Variants in TYW1B observed in about 807,000 individuals in gnomAD.
TYW1B encodes S-adenosyl-L-methionine-dependent tRNA 4-demethylwyosine synthase TYW1B.
TYW1B carries 73 observed loss-of-function variants against 86.9 expected under a neutral mutation model. That is an observed-to-expected ratio of 0.84 (90% CI 0.70 to 1.02). TYW1B has a LOEUF of 1.02. TYW1B is among the 50% of genes least tolerant of loss of function. The probability of loss-of-function intolerance (pLI) is 0.00; values close to 1 mark genes in which losing one functional copy is unlikely to be tolerated. For missense variants in TYW1B, 637 were observed against 827.4 expected (o/e 0.77, Z 2.82); for synonymous variants, 248 against 292.8 (o/e 0.85, Z 1.56).
At chr7:72,669,134 CTTTTTTTTTTTTTT>C (rs781821639) in intron 11 of TYW1B, among the ~76,000 whole-genome samples, 1 of 81,522 alleles carries the variant, frequency 1.2e-5, no homozygotes, top group Non-Finnish European at 2.2e-5. Context: ...TAATTTTAAA[CTTTTTTTTTTTTTT>C]TTTTTTTTTT....
intron 11 of TYW1B, among the ~76,000 whole-genome samples, chr7:72,645,017 T>C (rs1585872153): frequency 6.6e-6 from 1 of 152,154 alleles, no homozygotes; most frequent in African/African-American, 2.4e-5. Context: ...TTAGTAGAGA[T>C]GCGGTTTCAC....
chr7:72,662,896 T>C (rs1444426673), intron 11 of TYW1B, among the ~76,000 whole-genome samples: 4 of 152,232 alleles, frequency 2.6e-5, no homozygotes, highest in Non-Finnish European at 5.9e-5. Context: ...TTTTCAAATG[T>C]CAACTTGAGA....
chr7:72,654,166 A>G (rs1445268943), intron 11 of TYW1B, among the ~76,000 whole-genome samples: 3 of 152,066 alleles, frequency 2.0e-5, no homozygotes, highest in African/African-American at 4.8e-5. Context: ...TCTACAGAAA[A>G]CCTACAGCTA....
At chr7:72,617,436 C>T (rs1202445775) in intron 12 of TYW1B, among the ~76,000 whole-genome samples, 12 of 152,122 alleles carry the variant, frequency 7.9e-5, no homozygotes, top group African/African-American at 1.7e-4. Context: ...GGCACAATCG[C>T]GGCTCACCAC....
rs1177719954 is a variant in TYW1B, at chr7:72,794,555, CA to C, written c.846+7844del. The stretch of plus-strand genomic sequence containing the variant: ...TGGATGAGACAGCGAGATTCTGTCT[CA>C]AAAAAAAAAAAGGTATACTTCTCTG... On this transcript the variant is annotated intron_variant, in intron 6 of 13. Coordinates refer to ENST00000620995, the MANE Select transcript of TYW1B (RefSeq NM_001145440.3). 2.4e-3 allele frequency among the ~76,000 whole-genome samples: 322 copies of C among 132,486 alleles called. 1 individual carries two copies. Among genetic ancestry groups the C allele is most frequent in the Non-Finnish European group, 1.9e-3 (119 of 61,194 alleles). The allele number at this position is 132,486 out of a possible 152,430, so 86.9% of individuals were successfully genotyped here.
chr7:72,816,560 T>C (rs1554479464), intron 2 of TYW1B, among the ~76,000 whole-genome samples: 1 of 152,118 alleles, frequency 6.6e-6, no homozygotes, highest in African/African-American at 2.4e-5. Context: ...TTTTGTACGC[T>C]AATGAGATGA....
rs1787806638 is a variant in TYW1B, at chr7:72,768,285, G to T, written c.964+9131C>A. On this transcript the variant is annotated intron_variant, in intron 7 of 13. Transcript: ENST00000620995. The stretch of plus-strand genomic sequence containing the variant: ...AAAAATGGCTTCTTCCATACAGGTT[G>T]CTTAGGAGGAATCCGCCCAAACAAC... 3.3e-5 allele frequency among the ~76,000 whole-genome samples: 5 copies of T among 152,006 alleles called. No individual in the cohort carries two copies. In the South Asian group the frequency reaches 1.0e-3, roughly 32 times the overall value.
At chr7:72,801,139 G>T (rs1247521138) in intron 6 of TYW1B, among the ~76,000 whole-genome samples, 2 of 152,074 alleles carry the variant, frequency 1.3e-5, no homozygotes, top group Non-Finnish European at 2.9e-5. Context: ...GACCAGCCTG[G>T]CCAACATGGT....
chr7:72,713,935 G>A, intron 9 of TYW1B, 137 bp from the exon 10 acceptor site: 1 of 539,180 alleles, frequency 1.9e-6, no homozygotes, highest in Non-Finnish European at 3.3e-6. Context: ...CTAAAGGGCA[G>A]GGCAGGACTA....
chr7:72,752,048 A>T (rs1439044646), intron 7 of TYW1B, among the ~76,000 whole-genome samples: 1 of 152,174 alleles, frequency 6.6e-6, no homozygotes, highest in Non-Finnish European at 1.5e-5. Context: ...CAGCCCCAGT[A>T]TCTCTGGGTA....
intron 13 of TYW1B, among the ~76,000 whole-genome samples, chr7:72,605,340 T>G (rs71553242): frequency 0.019 from 2,832 of 145,760 alleles, 38 homozygotes; most frequent in South Asian, 0.036. Flanking sequence ...AATGTTGTGG[T>G]TTTTTTTTTG....
intron 11 of TYW1B, among the ~76,000 whole-genome samples, chr7:72,630,036 TG>T (rs1447445061): frequency 6.6e-6 from 1 of 152,108 alleles, no homozygotes; most frequent in Non-Finnish European, 1.5e-5. Flanking sequence ...CCCAGCACTT[TG>T]GGAGGCCGAG....
At chr7:72,813,938 C>T (rs1788671670) in intron 3 of TYW1B, among the ~76,000 whole-genome samples, 1 of 151,604 alleles carries the variant, frequency 6.6e-6, no homozygotes, top group Non-Finnish European at 1.5e-5. Context: ...TCACTTAAAC[C>T]CTGGAGCTGG....
chr7:72,760,328 A>C (rs1787666062), intron 7 of TYW1B, among the ~76,000 whole-genome samples: 1 of 152,226 alleles, frequency 6.6e-6, no homozygotes, highest in South Asian at 2.1e-4. Context: ...CTGTACCCAA[A>C]ATTTTGGCCC....
At chr7:72,792,787 T>G (rs1359458478) in intron 6 of TYW1B, among the ~76,000 whole-genome samples, 2 of 152,168 alleles carry the variant, frequency 1.3e-5, no homozygotes, top group African/African-American at 4.8e-5. Context: ...ATTGAATTCA[T>G]CTAATATGAC....
chr7:72,598,787 C>G (rs1403120413), intron 13 of TYW1B, among the ~76,000 whole-genome samples: 1 of 152,020 alleles, frequency 6.6e-6, no homozygotes, highest in African/African-American at 2.4e-5. Flanking sequence ...TTGAGCTAAT[C>G]TGGGGCTACA....
At chr7:72,687,273 T>C (rs1483285949) in intron 11 of TYW1B, among the ~76,000 whole-genome samples, 3 of 152,042 alleles carry the variant, frequency 2.0e-5, no homozygotes, top group Non-Finnish European at 4.4e-5. Context: ...CCATCTCTAC[T>C]AAAAATACAA....
intron 12 of TYW1B, among the ~76,000 whole-genome samples, chr7:72,622,233 G>A (rs1812235483): frequency 6.6e-6 from 1 of 152,130 alleles, no homozygotes; most frequent in Non-Finnish European, 1.5e-5. Flanking sequence ...ATGAAGCTAA[G>A]ATACATGCTA....
intron 13 of TYW1B, among the ~76,000 whole-genome samples, chr7:72,611,540 G>A (rs1408833943): frequency 2.0e-5 from 3 of 152,036 alleles, no homozygotes; most frequent in Admixed American, 6.6e-5. Context: ...CATGTAAGAC[G>A]TGCCTTCTAC....
Sources: allele counts gnomAD v4.1 joint callset (sites outside exome capture counted in the v4.1 genomes callset), GRCh38; gene constraint gnomAD v4.1.1; transcripts MANE v1.5; gene names NCBI Gene and HGNC (gene_info 2026-07-23, HGNC 2026-07-21).